The following CALN1 variants were observed in gnomAD, a reference collection of about 807,000 sequenced individuals.
CALN1 encodes the protein calneuron 1, also known as calcium-binding protein 8.
In CALN1, 17 loss-of-function variants were observed where a neutral mutation model predicts 30.6. The observed-to-expected ratio is 0.56, with a 90% CI of 0.38 to 0.83. CALN1 has a LOEUF of 0.83. CALN1 is among the 40% of genes least tolerant of loss of function. The pLI is 0.00. For synonymous variants in CALN1, 156 were observed against 131.4 expected, an observed-to-expected ratio of 1.19 and a Z score of -1.28; for missense variants, 291 against 354.9, an observed-to-expected ratio of 0.82 and a Z score of 1.45.
intron 4 of CALN1, among the ~76,000 whole-genome samples, chr7:72,081,427 G>A (rs940078302): frequency 1.3e-5 from 2 of 151,872 alleles, no homozygotes; most frequent in African/African-American, 4.8e-5. Context: ...GTGTGTGTTT[G>A]TTTTTGGTGT....
chr7:72,443,146 G>C (rs367957318), intron 1 of CALN1, among the ~76,000 whole-genome samples: 6 of 152,210 alleles, frequency 3.9e-5, no homozygotes, highest in African/African-American at 1.2e-4. Flanking sequence ...CTCCTCGGCT[G>C]TATTTCTCTC....
chr7:72,306,109 T>C (rs1457650412), intron 2 of CALN1, among the ~76,000 whole-genome samples: 3 of 152,182 alleles, frequency 2.0e-5, no homozygotes, highest in Admixed American at 6.5e-5. Context: ...TTGTATATCA[T>C]GACTTACTTT....
At chr7:71,994,340 C>T (rs183051194) in intron 5 of CALN1, among the ~76,000 whole-genome samples, 7 of 151,978 alleles carry the variant, frequency 4.6e-5, no homozygotes, top group South Asian at 2.1e-4. Flanking sequence ...GGCAAAACTC[C>T]GTCTCTACTA....
chr7:71,944,497 G>A (rs779969584), intron 5 of CALN1, among the ~76,000 whole-genome samples: 3 of 150,064 alleles, frequency 2.0e-5, no homozygotes, highest in Non-Finnish European at 4.4e-5. Flanking sequence ...GGGAGGCTGA[G>A]GCAGGAGAAT....
chr7:72,048,601 T>C (rs938191202), intron 4 of CALN1, among the ~76,000 whole-genome samples: 6 of 152,166 alleles, frequency 3.9e-5, no homozygotes, highest in Non-Finnish European at 7.3e-5. Context: ...ATTAGTATAT[T>C]AATTTTATAG....
At chr7:72,157,840 T>C (rs1444715952) in intron 3 of CALN1, among the ~76,000 whole-genome samples, 2 of 152,184 alleles carry the variant, frequency 1.3e-5, no homozygotes, top group African/African-American at 2.4e-5. Context: ...GCCTCCCCCA[T>C]TCAAGCGATT....
intron 3 of CALN1, among the ~76,000 whole-genome samples, chr7:72,236,979 T>C (rs1794511872): frequency 6.6e-6 from 1 of 151,664 alleles, no homozygotes; most frequent in South Asian, 2.1e-4. Flanking sequence ...CTTTTTTTTT[T>C]CTATTTTTAT....
chr7:72,107,421 T>C (rs1807253099), intron 3 of CALN1, among the ~76,000 whole-genome samples: 1 of 152,250 alleles, frequency 6.6e-6, no homozygotes, highest in African/African-American at 2.4e-5. Flanking sequence ...ACTCAAAAGA[T>C]GCCTTTAATC....
chr7:72,063,559 T>C (rs1186528498), intron 4 of CALN1, among the ~76,000 whole-genome samples: 1 of 152,172 alleles, frequency 6.6e-6, no homozygotes, highest in Non-Finnish European at 1.5e-5. Context: ...CAAGAGCTCA[T>C]CTTATCTCCA....
chr7:72,221,140 C>G (rs1429554618), intron 3 of CALN1, among the ~76,000 whole-genome samples: 3 of 151,892 alleles, frequency 2.0e-5, no homozygotes, highest in Non-Finnish European at 2.9e-5. Context: ...TTTCTAAAAC[C>G]ATAAACATGA....
At chr7:72,306,738 T>C (rs931213063) in intron 2 of CALN1, among the ~76,000 whole-genome samples, 13 of 152,210 alleles carry the variant, frequency 8.5e-5, no homozygotes, top group Non-Finnish European at 1.2e-4. Flanking sequence ...CAAACTATTA[T>C]GTTTCTTAAA....
At chr7:71,867,060 G>A (rs1031298228) in intron 5 of CALN1, among the ~76,000 whole-genome samples, 7 of 151,926 alleles carry the variant, frequency 4.6e-5, no homozygotes, top group Admixed American at 6.6e-5. Flanking sequence ...CAGGGGAATC[G>A]CTTGAATCCG....
intron 3 of CALN1, among the ~76,000 whole-genome samples, chr7:72,260,259 T>C (rs1048986148): frequency 6.6e-6 from 1 of 152,106 alleles, no homozygotes; most frequent in Non-Finnish European, 1.5e-5. Context: ...ATAAGAGAAG[T>C]CCAGTTCATG....
At chr7:72,260,719 CCA>C (rs1796208261) in intron 3 of CALN1, among the ~76,000 whole-genome samples, 1 of 152,034 alleles carries the variant, frequency 6.6e-6, no homozygotes, top group Non-Finnish European at 1.5e-5. Flanking sequence ...GAGGAGCCCC[CCA>C]CACAGATGTA....
At chr7:72,096,320 G>A (rs1323466840) in intron 4 of CALN1, among the ~76,000 whole-genome samples, 4 of 152,230 alleles carry the variant, frequency 2.6e-5, no homozygotes, top group Non-Finnish European at 4.4e-5. Flanking sequence ...TCCTTCATCA[G>A]GTTTTCAAGG....
chr7:72,330,676 G>C (rs182687798), intron 2 of CALN1, among the ~76,000 whole-genome samples: 13 of 152,264 alleles, frequency 8.5e-5, no homozygotes, highest in Admixed American at 8.5e-4. Context: ...CATTCTGGTT[G>C]GATGAATGAA....
intron 5 of CALN1, among the ~76,000 whole-genome samples, chr7:71,999,954 C>G (rs1799444621): frequency 6.6e-6 from 1 of 151,916 alleles, no homozygotes; most frequent in South Asian, 2.1e-4. Context: ...TAGAAACTAG[C>G]AACAGAAAGA....
At chr7:72,058,812 T>A (rs937883170) in intron 4 of CALN1, among the ~76,000 whole-genome samples, 1 of 152,136 alleles carries the variant, frequency 6.6e-6, no homozygotes, top group African/African-American at 2.4e-5. Flanking sequence ...TGAGTTGCAA[T>A]GCAGTGCAAA....
chr7:72,473,430 C>T, the CALN1 span, among the ~76,000 whole-genome samples: 17 of 152,184 alleles, frequency 1.1e-4, no homozygotes, highest in African/African-American at 3.9e-4. Context: ...ATGAAAAAAT[C>T]GCTCCAGTCT....
Sources: gnomAD v4.1 joint callset for allele counts (sites outside exome capture counted in the v4.1 genomes callset) on GRCh38, gnomAD v4.1.1 for gene constraint, MANE v1.5 for transcripts, NCBI Gene and HGNC (gene_info 2026-07-23, HGNC 2026-07-21) for gene names.